WDFY4: variants seen among roughly 807,000 people sequenced by gnomAD.
WDFY4 encodes the protein WD repeat- and FYVE domain-containing protein 4.
A neutral mutation model predicts 351.9 loss-of-function variants in WDFY4; 169 were observed. The ratio of observed to expected loss-of-function variants is 0.48; its 90% CI spans 0.42 to 0.55. The LOEUF (loss-of-function observed/expected upper bound fraction) is 0.55. WDFY4 is among the 20% of genes least tolerant of loss of function. The probability of loss-of-function intolerance (pLI) is 0.00; values close to 1 mark genes in which losing one functional copy is unlikely to be tolerated. For missense variants in WDFY4, 3,803 were observed against 3,935.6 expected, an observed-to-expected ratio of 0.97 and a Z score of 0.90; for synonymous variants, 1,622 against 1,574.6, an observed-to-expected ratio of 1.03 and a Z score of -0.71.
Position 48,802,377 on chromosome 10 carries a change from T to C in WDFY4, c.4411-909T>C, listed in dbSNP as rs576334800. 2.0e-5 allele frequency among the ~76,000 whole-genome samples: 3 copies of C among 152,220 alleles called. No homozygotes were observed. In the South Asian group the frequency reaches 6.2e-4, roughly 32 times the overall value. On this transcript the variant is annotated intron_variant, in intron 24 of 61. Transcript: ENST00000325239. ...GGTCTCTCAAAAATAAGAAAATAAA[T>C]ACATAAATGCGGATAATAATATTTT...
At position 48,980,925 on chromosome 10, in the gene WDFY4, T is replaced by G. The variant is rs556876499; in HGVS notation, c.9377-442T>G. Among the ~76,000 whole-genome samples the G allele has an allele frequency of 2.6e-5, 4 of 152,352 alleles. No individual in the cohort carries two copies. In the South Asian group the frequency reaches 8.3e-4, roughly 32 times the overall value. On this transcript the variant is annotated intron_variant, in intron 60 of 61. Coordinates refer to ENST00000325239, the MANE Select transcript of WDFY4 (RefSeq NM_001394531.1). The stretch of plus-strand genomic sequence containing the variant: ...ACATTCTCAGCATTTAATTACTGGT[T>G]GTGGCGTGAGAGGATTAAGATAAGT...
intron 9 of WDFY4, among the ~76,000 whole-genome samples, chr10:48,733,099 G>A (rs1350754758): frequency 6.6e-6 from 1 of 152,202 alleles, no homozygotes; most frequent in African/African-American, 2.4e-5. Context: ...TGGTGGTTCT[G>A]TCTTATCTTA....
chr10:48,913,978 T>C, intron 47 of WDFY4: 1 of 1,614,162 alleles, frequency 6.2e-7, no homozygotes, highest in Non-Finnish European at 8.5e-7. Flanking sequence ...CTGATAAGAT[T>C]CCGGCTAAGG....
At chr10:48,887,652 G>T (rs890597193) in intron 43 of WDFY4, among the ~76,000 whole-genome samples, 6 of 152,066 alleles carry the variant, frequency 3.9e-5, no homozygotes, top group African/African-American at 9.7e-5. Context: ...GGTGGTGGGT[G>T]CCTGTAGTCC....
Position 48,806,086 on chromosome 10 carries a change from T to C in WDFY4, c.4729T>C (p.Ser1577Pro), listed in dbSNP as rs1159604564. The C allele has an allele frequency of 1.3e-6, 2 of 1,551,630 alleles. No homozygotes were observed. Among genetic ancestry groups the C allele is most frequent in the East Asian group, 2.4e-5 (1 of 40,902 alleles). ...CTGCATGGACGGAGCCCTGGACCCTTCCCTGCCTGGTGAGAAGACCTTTGC... is the reference window on the plus strand; with the variant it reads ...CTGCATGGACGGAGCCCTGGACCCTCCCCTGCCTGGTGAGAAGACCTTTGC... Reference protein sequence around the residue: ...QICMDGALDPSLPAGSQTSGK... With the variant: ...QICMDGALDPPLPAGSQTSGK... Residue 1577 changes from serine (S) to proline (P), a missense_variant, in exon 27 of 62, where the codon TCC becomes CCC. Transcript: ENST00000325239.
At chr10:48,857,598 G>A (rs917544635) in intron 39 of WDFY4, among the ~76,000 whole-genome samples, 4 of 152,060 alleles carry the variant, frequency 2.6e-5, no homozygotes, top group African/African-American at 9.7e-5. Flanking sequence ...AGAATCATTA[G>A]TATGTTCAAT....
At chr10:48,931,709 C>T (rs140259444) in intron 47 of WDFY4, among the ~76,000 whole-genome samples, 6 of 152,316 alleles carry the variant, frequency 3.9e-5, no homozygotes, top group African/African-American at 1.2e-4. Flanking sequence ...ATGTCTAATC[C>T]TAAATTTCTT....
chr10:48,840,804 C>A (rs1179213010), intron 39 of WDFY4, among the ~76,000 whole-genome samples: 1 of 152,212 alleles, frequency 6.6e-6, no homozygotes, highest in East Asian at 1.9e-4. Flanking sequence ...TTAAGTGTCT[C>A]TGGTCTATCA....
At chr10:48,897,673 T>G (rs1837153303) in intron 45 of WDFY4, 99 bp downstream of exon 45, 2 of 1,474,442 alleles carry the variant, frequency 1.4e-6, no homozygotes, top group African/African-American at 2.8e-5. Context: ...CTGTGACTCT[T>G]CTTTGTGCCT....
At chr10:48,702,291 T>C (rs1304203064) in intron 1 of WDFY4, among the ~76,000 whole-genome samples, 1 of 152,142 alleles carries the variant, frequency 6.6e-6, no homozygotes, top group Admixed American at 6.5e-5. Context: ...GCAAGTTCTG[T>C]GCAGCTGACT....
rs367590005 is a variant in WDFY4 at position 48,796,375 on chromosome 10, C to T, written c.4335C>T (p.Gly1445=). 2.2e-4 allele frequency: 341 copies of T among 1,552,280 alleles called. 2 individuals carry two copies. Among genetic ancestry groups the T allele is most frequent in the Middle Eastern group, 1.2e-3 (7 of 5,996 alleles). The change falls in exon 24 of 62, where the codon GGC becomes GGT. Residue 1445 remains glycine, a synonymous_variant. Coordinates refer to ENST00000325239, the MANE Select transcript of WDFY4 (RefSeq NM_001394531.1). ...TTCAGCTGATCCTCTCAGTGGCTGG[C>T]ACTGTGGAGCTGGGCTTCAGGTCAT... ...RIFQLILSVA[G]TVELGFRSSA...
Position 48,970,195 on chromosome 10 carries a change from C to T in WDFY4, c.8834C>T (p.Pro2945Leu), listed in dbSNP as rs961510155. The change falls in exon 57 of 62, where the codon CCA (proline) becomes CTA (leucine). Residue 2945 changes from proline (P) to leucine (L), a missense_variant. This residue lies in a region of WDFY4 where 3,054 missense variants were observed against 3,148.6 expected (regional missense o/e 0.97). Transcript: ENST00000325239. ...GRCLCAVCPS[P>L]TTIVTSGTST... ...TGTCTGTGCGCCGTGTGCCCATCCC[C>T]AACAACGATTGTCACCTCTGGGACC... 1 of 1,551,748 alleles carries T rather than the reference C, an allele frequency of 6.4e-7. No homozygotes were observed. Among genetic ancestry groups the T allele is most frequent in the Admixed American group, 2.0e-5 (1 of 51,008 alleles).
At chr10:48,824,331 C>A (rs2047588338) in intron 35 of WDFY4, among the ~76,000 whole-genome samples, 1 of 152,156 alleles carries the variant, frequency 6.6e-6, no homozygotes, top group Admixed American at 6.5e-5. Context: ...CAAATCTGTG[C>A]AAAATGCTTA....
intron 29 of WDFY4, 49 bp from the exon 30 acceptor site, chr10:48,811,490 C>G: frequency 6.5e-7 from 1 of 1,528,360 alleles, no homozygotes; most frequent in South Asian, 1.2e-5. Context: ...CCACCTTGAC[C>G]AGCAGCTGTT....
At chr10:48,821,920 G>A (rs117590771) in intron 34 of WDFY4, among the ~76,000 whole-genome samples, 99 of 152,336 alleles carry the variant, frequency 6.5e-4, no homozygotes, top group South Asian at 1.9e-3. Flanking sequence ...GACGACAGTC[G>A]TGGTGAACTC....
intron 18 of WDFY4, 96 bp from the exon 19 acceptor site, chr10:48,779,845 G>A (rs934241755): frequency 1.1e-5 from 15 of 1,368,594 alleles, no homozygotes; most frequent in Non-Finnish European, 1.3e-5. Context: ...ATGGTACAAG[G>A]CCCAGTGGTT....
chr10:48,915,263 C>T (rs758940385), intron 47 of WDFY4, among the ~76,000 whole-genome samples: 12 of 152,122 alleles, frequency 7.9e-5, no homozygotes, highest in Non-Finnish European at 1.0e-4. Context: ...GTTTCTAATC[C>T]TCAATAACAA....
chr10:48,855,611 A>G (rs1391502765), intron 39 of WDFY4, among the ~76,000 whole-genome samples: 1 of 152,072 alleles, frequency 6.6e-6, no homozygotes, highest in Non-Finnish European at 1.5e-5. Flanking sequence ...CATAGTTACT[A>G]TATTATAAAT....
chr10:48,724,999 G>C (rs956330809), intron 5 of WDFY4, among the ~76,000 whole-genome samples: 5 of 152,198 alleles, frequency 3.3e-5, no homozygotes, highest in Non-Finnish European at 7.3e-5. Context: ...TTTAACCAGA[G>C]AGCTGAGGGT....
Sources: allele counts gnomAD v4.1 joint callset (sites outside exome capture counted in the v4.1 genomes callset), GRCh38; gene constraint gnomAD v4.1.1; regional missense constraint gnomAD v4.1.1; transcripts MANE v1.5; gene names NCBI Gene and HGNC (gene_info 2026-07-23, HGNC 2026-07-21).